Variants in MAK16 observed in about 807,000 individuals in gnomAD.
MAK16 encodes the protein MAK16 homolog.
In MAK16, 12 loss-of-function variants were observed where a neutral mutation model predicts 49.9. The ratio of observed to expected loss-of-function variants is 0.24; its 90% CI spans 0.15 to 0.39. MAK16 has a LOEUF of 0.39. Among genes scored for constraint, MAK16 ranks in the 10% least tolerant of loss-of-function variants. The probability of loss-of-function intolerance (pLI) is 1.00; values close to 1 mark genes in which losing one functional copy is unlikely to be tolerated. For synonymous variants in MAK16, 115 were observed against 126.4 expected, an observed-to-expected ratio of 0.91 and a Z score of 0.60; for missense variants, 292 against 363.7, an observed-to-expected ratio of 0.80 and a Z score of 1.60.
rs1197166183 is a variant in MAK16, at chr8:33,488,993, G to C, written c.246G>C (p.Arg82=). The C allele has an allele frequency of 6.2e-7, 1 of 1,614,028 alleles. No individual in the cohort carries two copies. Among genetic ancestry groups the C allele is most frequent in the Non-Finnish European group, 8.5e-7 (1 of 1,180,016 alleles). The change falls in exon 5 of 10, where the codon CGG becomes CGC. Residue 82 remains arginine (R), a synonymous_variant. Transcript: ENST00000360128. ...AFPRRLWERV[R]LSKNYEKALE... is the part of the protein sequence containing the mutation. ...TTCCTGTTTCTGTTTGGTAGGTCCG[G>C]CTTAGTAAAAACTATGAGAAAGCAC...
intron 6 of MAK16, 57 bp from the exon 7 acceptor site, chr8:33,495,485 A>G (rs1198480726): frequency 1.2e-5 from 17 of 1,416,770 alleles, no homozygotes; most frequent in Non-Finnish European, 1.7e-5. Context: ...TTCCATTTTT[A>G]TAAGATGAGT....
At chr8:33,488,858 G>T in intron 4 of MAK16, 60 bp downstream of exon 4, 2 of 1,603,640 alleles carry the variant, frequency 1.2e-6, no homozygotes, top group South Asian at 2.2e-5. Flanking sequence ...CCACATGCTT[G>T]ACCATGATGC....
At chr8:33,485,347 G>T in intron 1 of MAK16, 126 bp downstream of exon 1, 1 of 1,288,742 alleles carries the variant, frequency 7.8e-7, no homozygotes, top group Non-Finnish European at 1.1e-6. Flanking sequence ...TGAGGCTTCC[G>T]GAACCCCGAT....
At chr8:33,491,398 C>A (rs1294966263) in intron 6 of MAK16, among the ~76,000 whole-genome samples, 3 of 152,120 alleles carry the variant, frequency 2.0e-5, no homozygotes, top group Admixed American at 2.0e-4. Flanking sequence ...TTCCCACCAC[C>A]AGTGCACAAG....
At chr8:33,490,400 T>G in intron 6 of MAK16, 61 bp downstream of exon 6, 1 of 1,329,650 alleles carries the variant, frequency 7.5e-7, no homozygotes, top group African/African-American at 1.4e-5. Flanking sequence ...CTCTTATAGA[T>G]TCAGTCACCA....
intron 6 of MAK16, among the ~76,000 whole-genome samples, chr8:33,492,828 G>A (rs1808798372): frequency 6.6e-6 from 1 of 151,558 alleles, no homozygotes; most frequent in Non-Finnish European, 1.5e-5. Flanking sequence ...GTTAGGTAAT[G>A]TGATTCCTCT....
intron 7 of MAK16, 36 bp downstream of exon 7, chr8:33,495,652 T>G: frequency 7.0e-7 from 1 of 1,437,582 alleles, no homozygotes. Context: ...ACTGAAATTT[T>G]AAGTGGTAGT....
Position 33,500,727 on chromosome 8 carries a change from T to G in MAK16, c.*2098T>G. ...ACACACCCTCTGCCACACTGCTCTC[T>G]TCCTTCCAGAAGCTTGGTTCTACTG... On this transcript the variant is annotated 3_prime_UTR_variant, in exon 10 of 10. Transcript: ENST00000360128. The G allele has an allele frequency of 2.2e-6, 1 of 464,340 alleles. No individual in the cohort carries two copies. The highest frequency in any genetic ancestry group is 3.9e-6 in the Non-Finnish European group (1 of 255,834). 28.8% of individuals were successfully genotyped at this position (464,340 alleles called of 1,614,324 possible). A position where few individuals can be genotyped will look rare whatever the true frequency, so the allele number is the denominator to read the frequency against.
chr8:33,487,951 G>A (rs565982624), intron 1 of MAK16, among the ~76,000 whole-genome samples: 3 of 151,490 alleles, frequency 2.0e-5, no homozygotes, highest in South Asian at 2.1e-4. Context: ...GTTTTGAGAC[G>A]GAGTTTCACT....
chr8:33,498,367 A>G, intron 9 of MAK16, 65 bp from the exon 10 acceptor site: 1 of 1,434,542 alleles, frequency 7.0e-7, no homozygotes, highest in Non-Finnish European at 9.7e-7. Flanking sequence ...TGAGGGGACA[A>G]GGAAGGGAGT....
rs748227966 is a variant in MAK16 at position 33,488,820 on chromosome 8, C to G, written c.240+22C>G. The G allele has an allele frequency of 1.9e-6, 3 of 1,613,408 alleles. No individual in the cohort carries two copies. In the South Asian group the frequency reaches 3.3e-5, roughly 18 times the overall value. ...ACGGGTAAGCCTTACAACAAAACTA[C>G]AGTGACCGCTGATCAAGAGCATCAA... On this transcript the variant is annotated intron_variant, in intron 4 of 9. Coordinates refer to ENST00000360128, the MANE Select transcript of MAK16 (RefSeq NM_032509.4).
In MAK16 at chr8:33,500,268, T is replaced by C; in HGVS notation, c.*1639T>C. On this transcript the variant is annotated 3_prime_UTR_variant, in exon 10 of 10. Transcript: ENST00000360128. ...CACATACATAGTAAATTATAATCAA[T>C]CATGGGAATTACATAAGGATAATGA... The C allele has an allele frequency of 6.3e-7, 1 of 1,596,918 alleles. No homozygotes were observed. Among genetic ancestry groups the C allele is most frequent in the Non-Finnish European group, 8.6e-7 (1 of 1,165,834 alleles).
At position 33,499,299 on chromosome 8, in the gene MAK16, G is replaced by C; in HGVS notation, c.*670G>C. On this transcript the variant is annotated 3_prime_UTR_variant, in exon 10 of 10. Coordinates refer to ENST00000360128, the MANE Select transcript of MAK16 (RefSeq NM_032509.4). ...GACCCTGAAACATGAAACCAAACAGGCTTTGATATTTTTTTTTTTTTAATT... is the reference window on the plus strand; with the variant it reads ...GACCCTGAAACATGAAACCAAACAGCCTTTGATATTTTTTTTTTTTTAATT... 6.4e-7 allele frequency: 1 copy of C among 1,558,448 alleles called. No individual in the cohort carries two copies. The highest frequency in any genetic ancestry group is 8.8e-7 in the Non-Finnish European group (1 of 1,130,846).
intron 9 of MAK16, among the ~76,000 whole-genome samples, chr8:33,497,746 A>G (rs1269121385): frequency 2.6e-5 from 4 of 151,572 alleles, no homozygotes; most frequent in East Asian, 2.0e-4. Flanking sequence ...CGCCTGCCTC[A>G]GTCTCCCAAA....
rs1320127877 is a variant in MAK16 at position 33,488,982 on chromosome 8, T to C, written c.241-6T>C. 1 of 1,613,930 alleles carries C rather than the reference T, an allele frequency of 6.2e-7. No individual in the cohort carries two copies. Among genetic ancestry groups the C allele is most frequent in the Non-Finnish European group, 8.5e-7 (1 of 1,180,016 alleles). ...GCCCTTCAAACTTCCTGTTTCTGTT[T>C]GGTAGGTCCGGCTTAGTAAAAACTA... On this transcript the variant is annotated splice_polypyrimidine_tract_variant and splice_region_variant and intron_variant, in intron 4 of 9. Transcript: ENST00000360128.
chr8:33,489,032 T>C lies in MAK16; in HGVS notation c.285T>C (p.Asp95=), dbSNP rs971799653. 3 of 1,614,172 alleles carry C rather than the reference T, an allele frequency of 1.9e-6. No individual in the cohort carries two copies. The highest frequency in any genetic ancestry group is 1.7e-6 in the Non-Finnish European group (2 of 1,180,004). ...KNYEKALEQI[D]ENLIYWPRFI... ...ATGAGAAAGCACTGGAGCAAATAGATGAAAATCTGATTTACTGGCCCCGTT... is the reference window on the plus strand; with the variant it reads ...ATGAGAAAGCACTGGAGCAAATAGACGAAAATCTGATTTACTGGCCCCGTT... Residue 95 remains aspartate (D), a synonymous_variant, in exon 5 of 10, where the codon GAT becomes GAC. Transcript: ENST00000360128. The surrounding 1 kb of genome is among the most constrained non-coding windows in gnomAD (Gnocchi z 4.2).
chr8:33,499,324 T>G lies in MAK16; in HGVS notation c.*695T>G. 1 of 1,330,732 alleles carries G rather than the reference T, an allele frequency of 7.5e-7. No homozygotes were observed. The highest frequency in any genetic ancestry group is 1.1e-6 in the Non-Finnish European group (1 of 925,602). The allele number at this position is 1,330,732 out of a possible 1,614,324, so 82.4% of individuals were successfully genotyped here. A position where few individuals can be genotyped will look rare whatever the true frequency, so the allele number is the denominator to read the frequency against. ...GCTTTGATATTTTTTTTTTTTTAAT[T>G]ACTTTCCCCTTTTGCTTGATTCTTC... On this transcript the variant is annotated 3_prime_UTR_variant, in exon 10 of 10. Transcript: ENST00000360128.
chr8:33,485,301 A>T, intron 1 of MAK16, 80 bp downstream of exon 1: 1 of 1,583,122 alleles, frequency 6.3e-7, no homozygotes, highest in Admixed American at 1.7e-5. Context: ...GAAAACGCGT[A>T]CGCAGCGGGT....
intron 9 of MAK16, among the ~76,000 whole-genome samples, chr8:33,497,960 G>A (rs1808904151): frequency 6.6e-6 from 1 of 151,798 alleles, no homozygotes; most frequent in East Asian, 2.0e-4. Flanking sequence ...GCTAGGTATG[G>A]TGGTGCATGC....
Sources: allele counts gnomAD v4.1 joint callset (sites outside exome capture counted in the v4.1 genomes callset), GRCh38; gene constraint gnomAD v4.1.1; non-coding constraint Gnocchi (gnomAD v3.1); transcripts MANE v1.5; gene names NCBI Gene and HGNC (gene_info 2026-07-23, HGNC 2026-07-21).